The following FAM76B variants were observed in gnomAD, a reference collection of about 807,000 sequenced individuals.
FAM76B encodes the protein family with sequence similarity 76 member B.
In FAM76B, 16 loss-of-function variants were observed where a neutral mutation model predicts 51.8. The ratio of observed to expected loss-of-function variants is 0.31; its 90% CI spans 0.21 to 0.47. FAM76B has a LOEUF of 0.47. FAM76B is among the 20% of genes least tolerant of loss of function. FAM76B has a pLI of 1.00. For synonymous variants in FAM76B, 166 were observed against 129.5 expected (o/e 1.28, Z -1.91); for missense variants, 342 against 392.6 (o/e 0.87, Z 1.09).
rs533695419 is a variant in FAM76B at position 95,786,114 on chromosome 11, C to T, written c.363+5G>A. On this transcript the variant is annotated splice_donor_5th_base_variant and intron_variant, in intron 4 of 9. Coordinates refer to ENST00000358780, the MANE Select transcript of FAM76B (RefSeq NM_144664.5). ...AGAAGATGTCATAACATAAATAAAGCATACCTTTCTTCTTCCTTCCTCCTT... is the reference window on the plus strand; with the variant it reads ...AGAAGATGTCATAACATAAATAAAGTATACCTTTCTTCTTCCTTCCTCCTT... The T allele has an allele frequency of 2.5e-6, 4 of 1,600,056 alleles. No individual in the cohort carries two copies. The Admixed American group carries it at 6.9e-5, about 27-fold the overall frequency.
chr11:95,789,701 C>T lies in FAM76B; in HGVS notation c.-223G>A. On this transcript the variant is annotated 5_prime_UTR_variant, in exon 1 of 10. Coordinates refer to ENST00000358780, the MANE Select transcript of FAM76B (RefSeq NM_144664.5). ...AGCCCACCCAGTGACGCCGTGCCAG[C>T]CGCTCCCGCTTAGGCCCCGATAGCG... The T allele has an allele frequency of 2.0e-6, 1 of 500,016 alleles. No individual in the cohort carries two copies. Among genetic ancestry groups the T allele is most frequent in the Non-Finnish European group, 3.5e-6 (1 of 285,818 alleles). 31.0% of individuals were successfully genotyped at this position (500,016 alleles called of 1,614,324 possible). A position where few individuals can be genotyped will look rare whatever the true frequency, so the allele number is the denominator to read the frequency against.
At position 95,779,891 on chromosome 11, in the gene FAM76B, A is replaced by C; in HGVS notation, c.599T>G (p.Leu200Arg). The change falls in exon 6 of 10, where the codon CTG (leucine) becomes CGG (arginine). Residue 200 changes from leucine (L) to arginine (R), a missense_variant. By Grantham distance (102) the Leu-to-Arg change is moderately radical (BLOSUM62 -2). Coordinates refer to ENST00000358780, the MANE Select transcript of FAM76B (RefSeq NM_144664.5). ...GCAATGTATTTACCTCTGTTTCCAC[A>C]GTCCCTGCTCTTCTTCTGGACTTAG... Reference protein sequence around the residue: ...SNLSPEEEQGLWKQSHKSSAT... With the variant: ...SNLSPEEEQGRWKQSHKSSAT... 1 of 1,605,740 alleles carries C rather than the reference A, an allele frequency of 6.2e-7. No homozygotes were observed. Among genetic ancestry groups the C allele is most frequent in the Non-Finnish European group, 8.5e-7 (1 of 1,176,590 alleles).
At chr11:95,788,091 C>A (rs575256118) in intron 2 of FAM76B, among the ~76,000 whole-genome samples, 3 of 152,180 alleles carry the variant, frequency 2.0e-5, no homozygotes, top group Non-Finnish European at 4.4e-5. Flanking sequence ...CAGAGTGGAA[C>A]TGTTAAAAAT....
At chr11:95,782,288 A>C (rs754801731) in intron 5 of FAM76B, among the ~76,000 whole-genome samples, 3 of 152,196 alleles carry the variant, frequency 2.0e-5, no homozygotes, top group Non-Finnish European at 4.4e-5. Context: ...CCAGGTTTGA[A>C]ATGTATGGGA....
chr11:95,789,126 C>T, intron 1 of FAM76B: 1 of 1,336,692 alleles, frequency 7.5e-7, no homozygotes, highest in South Asian at 1.5e-5. Context: ...CACTCAACCC[C>T]ACTCCTGAGA....
chr11:95,789,241 G>C (rs1453310713), intron 1 of FAM76B, 151 bp downstream of exon 1: 2 of 992,736 alleles, frequency 2.0e-6, no homozygotes, highest in African/African-American at 3.3e-5. Context: ...CAAGCCCCCA[G>C]AAAAAGGGGT....
rs570527316 is a variant in FAM76B, at chr11:95,769,922, T to C, written c.*1639A>G. The C allele has an allele frequency of 2.4e-4, 37 of 151,696 alleles. No homozygotes were observed. Among genetic ancestry groups the C allele is most frequent in the African/African-American group, 8.9e-4 (37 of 41,522 alleles). 9.4% of individuals were successfully genotyped at this position (151,696 alleles called of 1,614,324 possible). On this transcript the variant is annotated 3_prime_UTR_variant, in exon 10 of 10. Coordinates refer to ENST00000358780, the MANE Select transcript of FAM76B (RefSeq NM_144664.5). ...TTGGTATTCACTTTATAATGAACTA[T>C]GAGAACAGTCTATTGAAACACGTCA...
rs1441115632 is a variant in FAM76B at position 95,770,180 on chromosome 11, A to G, written c.*1381T>C. The G allele has an allele frequency of 6.6e-6, 1 of 151,820 alleles. No homozygotes were observed. Among genetic ancestry groups the G allele is most frequent in the African/African-American group, 2.4e-5 (1 of 41,388 alleles). The allele number at this position is 151,820 out of a possible 1,614,324, so 9.4% of individuals were successfully genotyped here. A position where few individuals can be genotyped will look rare whatever the true frequency, so the allele number is the denominator to read the frequency against. On this transcript the variant is annotated 3_prime_UTR_variant, in exon 10 of 10. Coordinates refer to ENST00000358780, the MANE Select transcript of FAM76B (RefSeq NM_144664.5). Reference sequence around the variant, plus strand: ...CTAAAACTCTGAACTGATAATAACTAGGAGATAAATTCTATTTCAGGCTGA... The same window carrying G: ...CTAAAACTCTGAACTGATAATAACTGGGAGATAAATTCTATTTCAGGCTGA...
intron 9 of FAM76B, among the ~76,000 whole-genome samples, chr11:95,773,903 T>C (rs1348382324): frequency 6.6e-6 from 1 of 151,220 alleles, no homozygotes; most frequent in East Asian, 1.9e-4. Context: ...TTAAAAATAT[T>C]TTACTAGCTA....
chr11:95,780,286 T>C (rs1029251228), intron 5 of FAM76B, among the ~76,000 whole-genome samples: 1 of 151,932 alleles, frequency 6.6e-6, no homozygotes, highest in Non-Finnish European at 1.5e-5. Flanking sequence ...TTTGTATCTT[T>C]AAAGTTAAGG....
intron 9 of FAM76B, among the ~76,000 whole-genome samples, chr11:95,774,950 A>G (rs1262263553): frequency 2.0e-5 from 3 of 151,242 alleles, no homozygotes; most frequent in Non-Finnish European, 3.0e-5. Context: ...AGAAGTATGA[A>G]TAATACAAAA....
intron 9 of FAM76B, among the ~76,000 whole-genome samples, chr11:95,772,724 G>A (rs10831426): frequency 0.28 from 41,981 of 150,250 alleles, 7,018 homozygotes; most frequent in Non-Finnish European, 0.38. Context: ...AGCTTTTTAC[G>A]GGCAGATAAC....
chr11:95,776,796 G>A (rs916232479), intron 8 of FAM76B, among the ~76,000 whole-genome samples: 2 of 151,066 alleles, frequency 1.3e-5, no homozygotes, highest in Non-Finnish European at 3.0e-5. Flanking sequence ...GGAACTCCAG[G>A]TTATTTTTTA....
Position 95,786,121 on chromosome 11 carries a change from T to C in FAM76B, c.361A>G (p.Lys121Glu). Residue 121 changes from lysine (K) to glutamate (E), a missense_variant and splice_region_variant, in exon 4 of 10, where the codon AAG (lysine) becomes GAG (glutamate). By Grantham distance (56) the Lys-to-Glu change is moderately conservative. Around this residue, in one of 3 missense-constraint regions of FAM76B, gnomAD observed 230 missense variants for 257.4 expected, o/e 0.89. Coordinates refer to ENST00000358780, the MANE Select transcript of FAM76B (RefSeq NM_144664.5). ...GTCATAACATAAATAAAGCATACCT[T>C]TCTTCTTCCTTCCTCCTTCCGATCA... is the stretch of plus-strand genomic sequence containing the variant. ...AFDRKEEGRR[K>E]VDGKLLCWLC... The C allele has an allele frequency of 6.2e-7, 1 of 1,606,360 alleles. No individual in the cohort carries two copies. Among genetic ancestry groups the C allele is most frequent in the Non-Finnish European group, 8.5e-7 (1 of 1,176,266 alleles).
In FAM76B at chr11:95,773,037, A is replaced by G. The variant is rs564003003; in HGVS notation, c.931-1387T>C. Among the ~76,000 whole-genome samples the G allele has an allele frequency of 1.5e-4, 22 of 151,206 alleles. No individual in the cohort carries two copies. The South Asian group carries it at 4.2e-3, about 29-fold the overall frequency. On this transcript the variant is annotated intron_variant, in intron 9 of 9. Coordinates refer to ENST00000358780, the MANE Select transcript of FAM76B (RefSeq NM_144664.5). ...TTTTGAGTCTGCAAATTTGACTCAA[A>G]AAGATCTCCACTAGATCTGTTAAGT...
At chr11:95,788,396 A>G in intron 2 of FAM76B, 103 bp downstream of exon 2, 2 of 995,424 alleles carry the variant, frequency 2.0e-6, no homozygotes. Context: ...GGGCTAAACC[A>G]TTTTTTAAAA....
rs1860192523 is a variant in FAM76B at position 95,780,129 on chromosome 11, C to T, written c.564-203G>A. ...AAATTTTAATAAAATGACTGCTAAC[C>T]ATCTCAAGTTCTTCAAGAATTCTTT... On this transcript the variant is annotated intron_variant, in intron 5 of 9. Transcript: ENST00000358780. Among the ~76,000 whole-genome samples the T allele has an allele frequency of 2.6e-5, 4 of 151,808 alleles. No individual in the cohort carries two copies. The South Asian group carries it at 8.3e-4, about 31-fold the overall frequency.
chr11:95,784,443 GA>G (rs1386014375), intron 4 of FAM76B, among the ~76,000 whole-genome samples: 3 of 152,000 alleles, frequency 2.0e-5, no homozygotes, highest in Non-Finnish European at 4.4e-5. Flanking sequence ...TTAAAAAAAG[GA>G]AAGCTACGAA....
At chr11:95,784,536 C>T (rs1860448980) in intron 4 of FAM76B, among the ~76,000 whole-genome samples, 1 of 149,570 alleles carries the variant, frequency 6.7e-6, no homozygotes, top group Non-Finnish European at 1.5e-5. Flanking sequence ...GCCATGAGTG[C>T]AATTAAATTA....
Sources: gnomAD v4.1 joint callset for allele counts (sites outside exome capture counted in the v4.1 genomes callset) on GRCh38, gnomAD v4.1.1 for gene constraint, gnomAD v4.1.1 regional missense constraint, MANE v1.5 for transcripts, NCBI Gene and HGNC (gene_info 2026-07-23, HGNC 2026-07-21) for gene names.